TTC7A: variants seen among roughly 807,000 people sequenced by gnomAD.
TTC7A encodes the protein tetratricopeptide repeat protein 7A.
In TTC7A, 110 loss-of-function variants were observed where a neutral mutation model predicts 103.7. The ratio of observed to expected loss-of-function variants is 1.06; its 90% CI spans 0.91 to 1.24. The LOEUF (loss-of-function observed/expected upper bound fraction) is 1.24. Ranked by LOEUF, TTC7A falls within the 50% of genes most tolerant of loss-of-function variation. TTC7A has a pLI of 0.00. For missense variants in TTC7A, 1,340 were observed against 1,116.3 expected (o/e 1.20, Z -2.86); for synonymous variants, 521 against 467.9 (o/e 1.11, Z -1.47).
At chr2:47,011,002 C>T (rs1453293665) in intron 10 of TTC7A, among the ~76,000 whole-genome samples, 3 of 152,130 alleles carry the variant, frequency 2.0e-5, no homozygotes, top group Non-Finnish European at 4.4e-5. Flanking sequence ...GCCCAGCCCT[C>T]ATTTAGAGAG....
At chr2:47,072,578 T>C (rs910575934) in intron 19 of TTC7A, among the ~76,000 whole-genome samples, 1 of 152,194 alleles carries the variant, frequency 6.6e-6, no homozygotes. Flanking sequence ...GCTAAAAATG[T>C]ACATGGCCGT....
chr2:46,958,968 G>A (rs1672144708), intron 3 of TTC7A, among the ~76,000 whole-genome samples: 1 of 152,136 alleles, frequency 6.6e-6, no homozygotes, highest in African/African-American at 2.4e-5. Flanking sequence ...GGCCCTCGTT[G>A]AGCCCCCTCT....
In TTC7A at chr2:47,046,179, G is replaced by C. The variant is rs1243932360; in HGVS notation, c.1803-136G>C. 3 of 688,970 alleles carry C rather than the reference G, an allele frequency of 4.4e-6. No individual in the cohort carries two copies. In the African/African-American group the frequency reaches 5.3e-5, roughly 12 times the overall value. 42.7% of individuals were successfully genotyped at this position (688,970 alleles called of 1,614,324 possible). A position where few individuals can be genotyped will look rare whatever the true frequency, so the allele number is the denominator to read the frequency against. ...GCAAGCGGTCCAGGGGCATGGCAGAGGCTGCTGCCCTCATGGCACTCTGCT... is the reference window on the plus strand; with the variant it reads ...GCAAGCGGTCCAGGGGCATGGCAGACGCTGCTGCCCTCATGGCACTCTGCT... On this transcript the variant is annotated intron_variant, in intron 15 of 19. Coordinates refer to ENST00000319190, the MANE Select transcript of TTC7A (RefSeq NM_020458.4).
At chr2:46,965,781 T>C (rs1311482534) in intron 3 of TTC7A, among the ~76,000 whole-genome samples, 2 of 152,134 alleles carry the variant, frequency 1.3e-5, no homozygotes, top group African/African-American at 4.8e-5. Flanking sequence ...CAGGCTGTTC[T>C]TGAACTCCTG....
At chr2:47,006,246 C>T (rs1030619124) in intron 9 of TTC7A, among the ~76,000 whole-genome samples, 187 bp downstream of exon 9, 1 of 152,180 alleles carries the variant, frequency 6.6e-6, no homozygotes, top group African/African-American at 2.4e-5. Flanking sequence ...AGAGAACCCA[C>T]CTGACAAGGT....
rs1161003607 is a variant in TTC7A, at chr2:46,934,787, C to CTTTTTTTTTTTTT, written c.83-15556_83-15544dup. On this transcript the variant is annotated intron_variant, in intron 2 of 20. Coordinates refer to the TTC7A transcript ENST00000409245. Reference sequence around the variant, plus strand: ...GGAATAAGGTATGAAGACTACTGCTCTTTTTTTTTTTTTTTTTTTTTTTTT... The same window carrying CTTTTTTTTTTTTT: ...GGAATAAGGTATGAAGACTACTGCTCTTTTTTTTTTTTTTTTTTTTTTTTTTTTTTTTTTTTTT... Among the ~76,000 whole-genome samples, 31 of 66,914 alleles carry CTTTTTTTTTTTTT rather than the reference C, an allele frequency of 4.6e-4. 5 individuals are homozygous for CTTTTTTTTTTTTT. The highest frequency in any genetic ancestry group is 5.6e-4 in the Non-Finnish European group (21 of 37,306). 43.9% of individuals were successfully genotyped at this position (66,914 alleles called of 152,430 possible).
chr2:46,941,913 G>A lies in TTC7A; in HGVS notation c.184+188G>A. ...GAGAGAAAAATCACATGTGGTTTGG[G>A]GGCTTGGAGGGAAGAGAAACGGCTT... On this transcript the variant is annotated intron_variant, in intron 1 of 19. Transcript: ENST00000319190. The surrounding 1 kb of genome is among the most constrained non-coding windows in gnomAD (Gnocchi z 4.2). 1.4e-6 allele frequency: 1 copy of A among 709,604 alleles called. No homozygotes were observed. The highest frequency in any genetic ancestry group is 2.3e-6 in the Non-Finnish European group (1 of 428,974). 44.0% of individuals were successfully genotyped at this position (709,604 alleles called of 1,614,324 possible).
chr2:47,003,325 C>G (rs1244762396), intron 8 of TTC7A, among the ~76,000 whole-genome samples: 1 of 152,070 alleles, frequency 6.6e-6, no homozygotes, highest in African/African-American at 2.4e-5. Flanking sequence ...GAGGCCTGAC[C>G]TCTCCTGGTG....
intron 15 of TTC7A, among the ~76,000 whole-genome samples, chr2:47,043,955 G>A (rs886724778): frequency 6.6e-6 from 1 of 152,172 alleles, no homozygotes; most frequent in Non-Finnish European, 1.5e-5. Flanking sequence ...TGAGAAGGGG[G>A]CTCTGGCAGA....
chr2:47,011,548 G>A, intron 11 of TTC7A, 113 bp downstream of exon 11: 6 of 829,478 alleles, frequency 7.2e-6, no homozygotes, highest in Non-Finnish European at 1.9e-6. Context: ...TGGAAAGGAT[G>A]GGAGCTACCA....
intron 4 of TTC7A, among the ~76,000 whole-genome samples, chr2:46,977,067 A>G (rs1459863178): frequency 6.6e-6 from 1 of 152,202 alleles, no homozygotes; most frequent in African/African-American, 2.4e-5. Flanking sequence ...CATGGAAAAG[A>G]TAAAGTCTGC....
At chr2:46,991,987 T>G (rs1216820931) in intron 5 of TTC7A, among the ~76,000 whole-genome samples, 1 of 152,222 alleles carries the variant, frequency 6.6e-6, no homozygotes, top group Non-Finnish European at 1.5e-5. Context: ...AAGGTGTCCT[T>G]TCATGGCTCC....
chr2:47,010,425 G>A (rs1294228699), intron 10 of TTC7A, among the ~76,000 whole-genome samples: 2 of 152,192 alleles, frequency 1.3e-5, no homozygotes, highest in African/African-American at 4.8e-5. Context: ...CCCAAGATCT[G>A]GATAAGTGTT....
chr2:47,017,044 A>G (rs1678733609), intron 11 of TTC7A, among the ~76,000 whole-genome samples: 1 of 150,542 alleles, frequency 6.6e-6, no homozygotes, highest in Non-Finnish European at 1.5e-5. Context: ...ACTAAAAATA[A>G]CAAAAATTAG....
At chr2:47,020,338 G>T (rs557265473) in intron 11 of TTC7A, among the ~76,000 whole-genome samples, 39 of 152,294 alleles carry the variant, frequency 2.6e-4, no homozygotes, top group African/African-American at 9.4e-4. Flanking sequence ...GAGTCCTGCT[G>T]CCACGTGGCC....
At chr2:46,994,637 C>T (rs1295049520) in intron 7 of TTC7A, 123 bp downstream of exon 7, 3 of 958,932 alleles carry the variant, frequency 3.1e-6, no homozygotes, top group East Asian at 2.4e-5. Context: ...CACTGCCAGC[C>T]AGCCTCCTCA....
At chr2:47,067,586 T>C (rs1684284090) in intron 19 of TTC7A, among the ~76,000 whole-genome samples, 1 of 152,210 alleles carries the variant, frequency 6.6e-6, no homozygotes, top group South Asian at 2.1e-4. Context: ...GAGCTGGCTC[T>C]GGAGGAGGCA....
intron 2 of TTC7A, among the ~76,000 whole-genome samples, chr2:46,920,994 G>A (rs1016447006): frequency 1.3e-5 from 2 of 150,960 alleles, no homozygotes; most frequent in Non-Finnish European, 2.9e-5. Flanking sequence ...AAAACTTTCA[G>A]CAAACTGAGA....
intron 11 of TTC7A, among the ~76,000 whole-genome samples, chr2:47,020,341 A>G (rs751305168): frequency 1.3e-4 from 20 of 152,136 alleles, no homozygotes; most frequent in Non-Finnish European, 2.5e-4. Context: ...TCCTGCTGCC[A>G]CGTGGCCTAG....
Sources: allele counts gnomAD v4.1 joint callset (sites outside exome capture counted in the v4.1 genomes callset), GRCh38; gene constraint gnomAD v4.1.1; non-coding constraint Gnocchi (gnomAD v3.1); transcripts MANE v1.5; gene names NCBI Gene and HGNC (gene_info 2026-07-23, HGNC 2026-07-21).